MGME1: variants seen among roughly 807,000 people sequenced by gnomAD.
MGME1 encodes mitochondrial genome maintenance exonuclease 1, also known as chromosome 20 open reading frame 72.
Under a neutral mutation model 33.0 loss-of-function variants are expected in MGME1, and 22 were observed. The ratio of observed to expected loss-of-function variants is 0.67; its 90% CI spans 0.48 to 0.95. The LOEUF is 0.95. Among genes scored for constraint, MGME1 ranks in the 40% least tolerant of loss-of-function variants. The pLI is 0.00. For missense variants in MGME1, 383 were observed against 397.8 expected, an observed-to-expected ratio of 0.96 and a Z score of 0.32; for synonymous variants, 133 against 144.0, an observed-to-expected ratio of 0.92 and a Z score of 0.55.
chr20:17,990,408 A>AC lies in MGME1; in HGVS notation c.*299_*300insC, dbSNP rs1179691046. 4.1e-4 allele frequency: 15 copies of AC among 36,570 alleles called. No individual in the cohort carries two copies. The highest frequency in any genetic ancestry group is 7.1e-4 in the Non-Finnish European group (13 of 18,436). 2.3% of individuals were successfully genotyped at this position (36,570 alleles called of 1,614,324 possible). On this transcript the variant is annotated 3_prime_UTR_variant, in exon 5 of 5. Coordinates refer to ENST00000377710, the MANE Select transcript of MGME1 (RefSeq NM_052865.4). ...TGACTCTTGTACTCCCTTGAGGGAC[A>AC]TTGGGGGGGGGGGGGCGTGGTCCCA...
chr20:17,970,492 T>C (rs1292652763), intron 2 of MGME1, 122 bp downstream of exon 2: 2 of 952,166 alleles, frequency 2.1e-6, no homozygotes, highest in East Asian at 5.0e-5. Flanking sequence ...TCCCTTCAGA[T>C]AGTAATTAAC....
intron 3 of MGME1, 83 bp downstream of exon 3, chr20:17,975,986 C>T (rs2035857442): frequency 1.8e-6 from 2 of 1,132,840 alleles, no homozygotes; most frequent in South Asian, 2.5e-5. Flanking sequence ...ACTGTAGCCT[C>T]TGTCTGTTTA....
intron 2 of MGME1, among the ~76,000 whole-genome samples, chr20:17,974,117 TGCAGTG>T (rs369453643): frequency 2.4e-3 from 324 of 136,982 alleles, no homozygotes; most frequent in African/African-American, 8.4e-3. Flanking sequence ...CAGGCTGGAG[TGCAGTG>T]GCATGATCTT....
intron 3 of MGME1, among the ~76,000 whole-genome samples, chr20:17,981,082 TTTTG>T (rs2036006250): frequency 6.6e-6 from 1 of 152,148 alleles, no homozygotes; most frequent in East Asian, 1.9e-4. Flanking sequence ...CTACGCTCTT[TTTTG>T]TTCTTTTCTT....
At chr20:17,977,499 G>A (rs903028935) in intron 3 of MGME1, among the ~76,000 whole-genome samples, 3 of 152,110 alleles carry the variant, frequency 2.0e-5, no homozygotes, top group African/African-American at 4.8e-5. Context: ...ACAGAGCAGG[G>A]CGTTCCTGAA....
chr20:17,981,746 C>G (rs2036027710), intron 3 of MGME1, among the ~76,000 whole-genome samples: 1 of 151,908 alleles, frequency 6.6e-6, no homozygotes, highest in East Asian at 2.0e-4. Context: ...CTCACTATAA[C>G]CTCCGCCTCC....
intron 3 of MGME1, among the ~76,000 whole-genome samples, chr20:17,978,886 C>T (rs1222443268): frequency 6.6e-6 from 1 of 152,004 alleles, no homozygotes; most frequent in Non-Finnish European, 1.5e-5. Context: ...AGCAATTCTC[C>T]TGTGTCAGCC....
chr20:17,986,832 T>C (rs1367262133), intron 3 of MGME1, among the ~76,000 whole-genome samples: 1 of 149,362 alleles, frequency 6.7e-6, no homozygotes, highest in East Asian at 1.9e-4. Flanking sequence ...CTATTAAGGT[T>C]TTTTTTTTTA....
chr20:17,972,568 A>G (rs2122501599), intron 2 of MGME1: 10 of 748,546 alleles, frequency 1.3e-5, no homozygotes, highest in Non-Finnish European at 1.6e-5. Context: ...ACTTGAAAAC[A>G]TTTCACTTTC....
At position 17,988,230 on chromosome 20, in the gene MGME1, T is replaced by C. The variant is rs2036202961; in HGVS notation, c.796T>C (p.Phe266Leu). 1 of 1,614,020 alleles carries C rather than the reference T, an allele frequency of 6.2e-7. No homozygotes were observed. The highest frequency in any genetic ancestry group is 1.7e-5 in the Admixed American group (1 of 60,004). The part of the protein sequence containing the change: ...EKPKPFIQST[F>L]DNPLQVVAYM... ...ACCAAAGCCTTTTATTCAAAGTACA[T>C]TTGACAACCCACTGCAAGTTGTGGC... Residue 266 changes from phenylalanine (F) to leucine (L), a missense_variant, in exon 4 of 5, where the codon TTT becomes CTT. Transcript: ENST00000377710.
chr20:17,970,234 G>T lies in MGME1; in HGVS notation c.375G>T (p.Leu125Phe). 1 of 1,614,184 alleles carries T rather than the reference G, an allele frequency of 6.2e-7. No homozygotes were observed. The highest frequency in any genetic ancestry group is 8.5e-7 in the Non-Finnish European group (1 of 1,180,038). ...CTTCAGTTCCTTTGAAAATCCCCTT[G>T]CAAAGGAATGTGATACCAAGTGTGA... ...SDPSVPLKIP[L>F]QRNVIPSVTR... Residue 125 changes from leucine (L) to phenylalanine (F), a missense_variant, in exon 2 of 5, where the codon TTG becomes TTT. Leu to Phe is a conservative substitution (Grantham distance 22). Transcript: ENST00000377710.
intron 3 of MGME1, among the ~76,000 whole-genome samples, chr20:17,984,060 A>G (rs1429550078): frequency 2.6e-5 from 4 of 152,020 alleles, no homozygotes; most frequent in Non-Finnish European, 5.9e-5. Context: ...TTACAGTTTC[A>G]GGTCTTAAAT....
At chr20:17,983,267 T>TTTGTGTGTGTGTGTGTGTGTGTGTGTGTG (rs79417227) in intron 3 of MGME1, among the ~76,000 whole-genome samples, 1 of 142,578 alleles carries the variant, frequency 7.0e-6, no homozygotes, top group Non-Finnish European at 1.5e-5. Flanking sequence ...TAGTGTTCTA[T>TTTGTGTGTGTGTGTGTGTGTGTGTGTGTG]TGTGTGTGTG....
At chr20:17,978,113 C>G (rs1186104266) in intron 3 of MGME1, among the ~76,000 whole-genome samples, 1 of 152,038 alleles carries the variant, frequency 6.6e-6, no homozygotes, top group Non-Finnish European at 1.5e-5. Flanking sequence ...TTGTGTGGCC[C>G]AAGACAATTC....
In MGME1 at chr20:17,990,366, A is replaced by T; in HGVS notation, c.*257A>T. The T allele has an allele frequency of 3.1e-6, 1 of 318,654 alleles. No homozygotes were observed. The highest frequency in any genetic ancestry group is 5.9e-6 in the Non-Finnish European group (1 of 170,660). The allele number at this position is 318,654 out of a possible 1,614,324, so 19.7% of individuals were successfully genotyped here. A position where few individuals can be genotyped will look rare whatever the true frequency, so the allele number is the denominator to read the frequency against. ...TTTACCTGAAAGGAGGACACGCAGG[A>T]TGGGCAGTCATGCTGGTGACTCTTG... On this transcript the variant is annotated 3_prime_UTR_variant, in exon 5 of 5. Transcript: ENST00000377710.
chr20:17,975,159 T>A (rs568534824), intron 2 of MGME1, among the ~76,000 whole-genome samples: 1 of 152,326 alleles, frequency 6.6e-6, no homozygotes, highest in East Asian at 1.9e-4. Flanking sequence ...TTTAATTCAT[T>A]TTATTACCTA....
intron 2 of MGME1, chr20:17,972,730 T>G (rs1294545833): frequency 1.0e-6 from 1 of 985,314 alleles, no homozygotes; most frequent in Non-Finnish European, 1.2e-6. Flanking sequence ...TGATCATGTG[T>G]ATATGAAGAA....
intron 2 of MGME1, 127 bp downstream of exon 2, chr20:17,970,497 A>C: frequency 1.1e-6 from 1 of 891,158 alleles, no homozygotes; most frequent in South Asian, 1.7e-5. Context: ...TCAGATAGTA[A>C]TTAACATTAA....
At chr20:17,983,859 A>G (rs2036092622) in intron 3 of MGME1, among the ~76,000 whole-genome samples, 1 of 152,148 alleles carries the variant, frequency 6.6e-6, no homozygotes, top group Admixed American at 6.6e-5. Context: ...CTTATCAGAT[A>G]GGTGGTTTGC....
Sources: gnomAD v4.1 joint callset for allele counts (sites outside exome capture counted in the v4.1 genomes callset) on GRCh38, gnomAD v4.1.1 for gene constraint, MANE v1.5 for transcripts, NCBI Gene and HGNC (gene_info 2026-07-23, HGNC 2026-07-21) for gene names.